The following MACROD2 variants were observed in gnomAD, a reference collection of about 807,000 sequenced individuals.
MACROD2 encodes the protein mono-ADP ribosylhydrolase 2, also known as ADP-ribose glycohydrolase MACROD2.
In MACROD2, 36 loss-of-function variants were observed where a neutral mutation model predicts 70.4. That is an observed-to-expected ratio of 0.51 (90% CI 0.39 to 0.68). MACROD2 has a LOEUF of 0.68. MACROD2 is among the 30% of genes least tolerant of loss of function. The pLI is 0.00. For missense variants in MACROD2, 496 were observed against 538.4 expected (o/e 0.92, Z 0.78); for synonymous variants, 172 against 178.8 (o/e 0.96, Z 0.30).
chr20:15,140,570 T>G (rs2076184260), intron 5 of MACROD2, among the ~76,000 whole-genome samples: 1 of 152,134 alleles, frequency 6.6e-6, no homozygotes, highest in African/African-American at 2.4e-5. Flanking sequence ...TTACTTATTA[T>G]TCAATAAATT....
chr20:15,489,161 A>G lies in MACROD2; in HGVS notation c.572-10613A>G, dbSNP rs1193282501. Among the ~76,000 whole-genome samples, 3 of 152,218 alleles carry G rather than the reference A, an allele frequency of 2.0e-5. No individual in the cohort carries two copies. The East Asian group carries it at 5.8e-4, about 29-fold the overall frequency. On this transcript the variant is annotated intron_variant, in intron 7 of 17. Transcript: ENST00000684519. ...ATGAAAGAAAAAGTGTCTCAAGACCAAAGCTGAATATAGTAGAATTTATGG... is the reference window on the plus strand; with the variant it reads ...ATGAAAGAAAAAGTGTCTCAAGACCGAAGCTGAATATAGTAGAATTTATGG...
chr20:14,540,990 A>G (rs1348626952), intron 4 of MACROD2, among the ~76,000 whole-genome samples: 1 of 152,208 alleles, frequency 6.6e-6, no homozygotes. Context: ...TCTAGTGCTT[A>G]TGAATTCTGT....
intron 5 of MACROD2, among the ~76,000 whole-genome samples, chr20:14,979,797 A>C (rs1274592600): frequency 3.3e-5 from 5 of 152,204 alleles, no homozygotes; most frequent in Non-Finnish European, 7.3e-5. Context: ...GTTCTGATAA[A>C]ATAGAATAAT....
chr20:15,921,772 C>G (rs187031526), intron 10 of MACROD2, among the ~76,000 whole-genome samples: 1 of 152,196 alleles, frequency 6.6e-6, no homozygotes, highest in South Asian at 2.1e-4. Flanking sequence ...AGCAGTTGAT[C>G]TGGGGAGTGA....
chr20:15,558,429 T>C (rs1398540477), intron 8 of MACROD2, among the ~76,000 whole-genome samples: 2 of 152,226 alleles, frequency 1.3e-5, no homozygotes, highest in Non-Finnish European at 2.9e-5. Flanking sequence ...TTACTTTCAA[T>C]GGCAAAAAAC....
chr20:15,120,909 G>A (rs1427843591), intron 5 of MACROD2, among the ~76,000 whole-genome samples: 1 of 152,132 alleles, frequency 6.6e-6, no homozygotes. Context: ...GGTGGTCTTT[G>A]CTGCGTCGTT....
chr20:14,955,632 G>T (rs2074529701), intron 5 of MACROD2, among the ~76,000 whole-genome samples: 1 of 151,926 alleles, frequency 6.6e-6, no homozygotes, highest in Non-Finnish European at 1.5e-5. Flanking sequence ...CCCCACTACT[G>T]CCCTGAAATT....
intron 8 of MACROD2, among the ~76,000 whole-genome samples, chr20:15,685,882 A>C (rs1346783694): frequency 6.6e-6 from 1 of 152,214 alleles, no homozygotes; most frequent in African/African-American, 2.4e-5. Flanking sequence ...CTCGATATTG[A>C]AATGGACTGT....
In MACROD2 at chr20:15,128,489, A is replaced by G. The variant is rs556254294; in HGVS notation, c.419-101451A>G. Among the ~76,000 whole-genome samples, 24 of 152,130 alleles carry G rather than the reference A, an allele frequency of 1.6e-4. No individual in the cohort carries two copies. The East Asian group carries it at 4.6e-3, about 29-fold the overall frequency. Reference sequence around the variant, plus strand: ...TGGATAGGCCTTTTCTTCCCATCACACAAACAATAGAGACAACTTTATGAA... The same window carrying G: ...TGGATAGGCCTTTTCTTCCCATCACGCAAACAATAGAGACAACTTTATGAA... On this transcript the variant is annotated intron_variant, in intron 5 of 17. Coordinates refer to ENST00000684519, the MANE Select transcript of MACROD2 (RefSeq NM_001351661.2).
chr20:14,256,240 T>C (rs993134944), intron 3 of MACROD2, among the ~76,000 whole-genome samples: 1 of 152,142 alleles, frequency 6.6e-6, no homozygotes, highest in Admixed American at 6.5e-5. Flanking sequence ...CTAGAATTTT[T>C]ATTTGTTTTT....
At chr20:14,227,229 C>T (rs1443922092) in intron 3 of MACROD2, among the ~76,000 whole-genome samples, 1 of 152,158 alleles carries the variant, frequency 6.6e-6, no homozygotes, top group Non-Finnish European at 1.5e-5. Context: ...CTCTACCAAT[C>T]AGCAGGATGT....
intron 8 of MACROD2, among the ~76,000 whole-genome samples, chr20:15,670,687 C>G (rs1428794785): frequency 6.6e-6 from 1 of 152,080 alleles, no homozygotes; most frequent in African/African-American, 2.4e-5. Context: ...AATAGAAATC[C>G]TAGGGCAGCG....
At chr20:14,380,302 T>G (rs1379269987) in intron 3 of MACROD2, among the ~76,000 whole-genome samples, 1 of 152,140 alleles carries the variant, frequency 6.6e-6, no homozygotes, top group African/African-American at 2.4e-5. Flanking sequence ...TGGGTAGAGT[T>G]CTGGATATTT....
intron 15 of MACROD2, among the ~76,000 whole-genome samples, chr20:16,024,500 C>A (rs2067049462): frequency 7.1e-6 from 1 of 141,254 alleles, no homozygotes. Flanking sequence ...GCCATGTTCA[C>A]ACACACACAC....
intron 8 of MACROD2, among the ~76,000 whole-genome samples, chr20:15,673,097 T>C (rs2050005450): frequency 6.6e-6 from 1 of 152,194 alleles, no homozygotes; most frequent in Non-Finnish European, 1.5e-5. Context: ...TGTATGTCTT[T>C]ATTAACAGTG....
intron 3 of MACROD2, among the ~76,000 whole-genome samples, chr20:14,276,949 C>T (rs1418430572): frequency 6.6e-6 from 1 of 152,158 alleles, no homozygotes; most frequent in Non-Finnish European, 1.5e-5. Flanking sequence ...ATGTCTTCCT[C>T]ATCTTATATG....
chr20:15,610,249 A>AAC, intron 8 of MACROD2, among the ~76,000 whole-genome samples: 1 of 152,208 alleles, frequency 6.6e-6, no homozygotes, highest in Non-Finnish European at 1.5e-5. Context: ...ACACGATCTT[A>AAC]GTTGCCTAGA....
At chr20:15,110,208 G>A (rs927937207) in intron 5 of MACROD2, among the ~76,000 whole-genome samples, 1 of 152,110 alleles carries the variant, frequency 6.6e-6, no homozygotes, top group African/African-American at 2.4e-5. Flanking sequence ...CCAAGGAGAG[G>A]CCAGAAAGAA....
intron 8 of MACROD2, among the ~76,000 whole-genome samples, chr20:15,568,458 C>T (rs2048337074): frequency 6.6e-6 from 1 of 152,060 alleles, no homozygotes; most frequent in Non-Finnish European, 1.5e-5. Context: ...TGTGTGTCAA[C>T]ACCGTTGGCT....
Sources: allele counts gnomAD v4.1 joint callset (sites outside exome capture counted in the v4.1 genomes callset), GRCh38; gene constraint gnomAD v4.1.1; transcripts MANE v1.5; gene names NCBI Gene and HGNC (gene_info 2026-07-23, HGNC 2026-07-21).